Variants in C19orf47 observed in about 807,000 individuals in gnomAD.
C19orf47 encodes uncharacterized protein C19orf47.
In C19orf47, 18 loss-of-function variants were observed where a neutral mutation model predicts 32.3. The ratio of observed to expected loss-of-function variants is 0.56; its 90% CI spans 0.39 to 0.83. The LOEUF (loss-of-function observed/expected upper bound fraction) is 0.83, where lower values mean the gene tolerates loss of function less well. Ranked by LOEUF, C19orf47 falls within the 40% of genes least tolerant of loss-of-function variation. The pLI is 0.00. For missense variants in C19orf47, 484 were observed against 531.6 expected (o/e 0.91, Z 0.88); for synonymous variants, 202 against 211.1 (o/e 0.96, Z 0.37).
rs942592067 is a variant in C19orf47 at position 40,340,887 on chromosome 19, A to G, written c.19+952T>C. On this transcript the variant is annotated intron_variant, in intron 2 of 8. Transcript: ENST00000683109. ...CCAGCTACTCGGAGGCTGAGATGGG[A>G]GGATCACCTGAGCCTGGGAGGCAGA... is the stretch of plus-strand genomic sequence containing the variant. 2.7e-5 allele frequency among the ~76,000 whole-genome samples: 4 copies of G among 148,656 alleles called. No individual in the cohort carries two copies. In the East Asian group the frequency reaches 8.0e-4, roughly 30 times the overall value.
chr19:40,341,794 G>A, intron 2 of C19orf47, 45 bp downstream of exon 2: 1 of 1,535,754 alleles, frequency 6.5e-7, no homozygotes, highest in South Asian at 1.2e-5. Context: ...ACCTCAAAAA[G>A]GGCAGTGGGG....
At position 40,324,063 on chromosome 19, in the gene C19orf47, C is replaced by A. The variant is rs750663694; in HGVS notation, c.606G>T (p.Thr202=). 2.5e-6 allele frequency: 4 copies of A among 1,614,224 alleles called. No individual in the cohort carries two copies. The South Asian group carries it at 3.3e-5, about 13-fold the overall frequency. ...CGGCGCCGAGGCGGTCAAACACAGA[C>A]GTCCTATGGAGACCTGGGAGGGAAG... The part of the protein sequence containing the change: ...QQQAAKGLHR[T]SVFDRLGAET... Residue 202 remains threonine (T), a synonymous_variant, in exon 8 of 9, where the codon ACG becomes ACT. Transcript: ENST00000683109.
intron 1 of C19orf47, among the ~76,000 whole-genome samples, chr19:40,347,974 T>G (rs548971532): frequency 6.6e-6 from 1 of 152,232 alleles, no homozygotes; most frequent in South Asian, 2.1e-4. Flanking sequence ...TGCCGCACAG[T>G]GGAGCGGGAC....
intron 7 of C19orf47, 40 bp from the exon 8 acceptor site, chr19:40,324,116 G>A (rs772190895): frequency 4.6e-5 from 74 of 1,606,540 alleles, no homozygotes; most frequent in Non-Finnish European, 5.7e-5. Context: ...GGCCCCGGTG[G>A]GCCAGGCCTA....
At chr19:40,329,748 G>A (rs1288323021) in intron 5 of C19orf47, among the ~76,000 whole-genome samples, 1 of 152,122 alleles carries the variant, frequency 6.6e-6, no homozygotes, top group Non-Finnish European at 1.5e-5. Context: ...TTTTCAGGTT[G>A]GATGGGTGGC....
chr19:40,324,790 T>G (rs2077793875), intron 7 of C19orf47: 1 of 152,190 alleles, frequency 6.6e-6, no homozygotes, highest in South Asian at 2.1e-4. Context: ...GCAGATCGCA[T>G]GAGCCTAAGA....
Position 40,341,933 on chromosome 19 carries a change from TGTGA to T in C19orf47, c.-33-47_-33-44del, listed in dbSNP as rs542145625. 1,893 of 1,536,022 alleles carry T rather than the reference TGTGA, an allele frequency of 1.2e-3. 10 individuals are homozygous for T. In the Middle Eastern group the frequency reaches 0.022, roughly 18 times the overall value. On this transcript the variant is annotated intron_variant, in intron 1 of 8. Coordinates refer to ENST00000683109, the MANE Select transcript of C19orf47 (RefSeq NM_001256441.2). Reference sequence around the variant, plus strand: ...AGAGAGCCCATGAGCTGCTGCCGGCTGTGAGTGTTTGTCCCTCTCCTGTGCCTGT... The same window carrying T: ...AGAGAGCCCATGAGCTGCTGCCGGCTGTGTTTGTCCCTCTCCTGTGCCTGT...
At chr19:40,334,932 T>C (rs1381483691) in intron 4 of C19orf47, 1 of 101,976 alleles carries the variant, frequency 9.8e-6, no homozygotes, top group Non-Finnish European at 1.9e-5. Context: ...AATAAACAAG[T>C]GAAGAAAGGA....
chr19:40,339,556 T>C (rs534925736), intron 2 of C19orf47, among the ~76,000 whole-genome samples: 1 of 152,272 alleles, frequency 6.6e-6, no homozygotes, highest in African/African-American at 2.4e-5. Flanking sequence ...AGATGACCCT[T>C]AGACATTATG....
the C19orf47 span, among the ~76,000 whole-genome samples, chr19:40,306,023 C>T: frequency 4.0e-5 from 6 of 151,794 alleles, no homozygotes; most frequent in Admixed American, 2.0e-4. Flanking sequence ...TGGTGGTGGG[C>T]GCCTGTAATC....
the C19orf47 span, among the ~76,000 whole-genome samples, chr19:40,303,686 C>G: frequency 1.3e-5 from 2 of 151,608 alleles, no homozygotes; most frequent in African/African-American, 4.9e-5. Context: ...CGCCTGTAGT[C>G]CCAGCTACTC....
rs985184081 is a variant in C19orf47, at chr19:40,321,919, A to G, written c.1121T>C (p.Val374Ala). The G allele has an allele frequency of 1.9e-6, 3 of 1,612,166 alleles. No individual in the cohort carries two copies. Among genetic ancestry groups the G allele is most frequent in the Admixed American group, 3.3e-5 (2 of 59,884 alleles). Residue 374 changes from valine to alanine, a missense_variant, in exon 9 of 9, where the codon GTG becomes GCG. Transcript: ENST00000683109. ...LGAQMDHAGT[V>A]SVFKRLGRRT... is the part of the protein sequence containing the mutation. The stretch of plus-strand genomic sequence containing the variant: ...GCGGCCCAGTCTTTTGAACACGCTC[A>G]CAGTGCCCGCGTGGTCCATCTGGGC...
chr19:40,343,827 GCT>G (rs1308376997), intron 1 of C19orf47: 1 of 133,508 alleles, frequency 7.5e-6, no homozygotes, highest in African/African-American at 2.8e-5. Context: ...ACAAAGTCTT[GCT>G]CTGTCGCCCA....
chr19:40,335,930 A>G (rs1387759507), intron 4 of C19orf47, among the ~76,000 whole-genome samples, 180 bp downstream of exon 4: 1 of 152,176 alleles, frequency 6.6e-6, no homozygotes, highest in Non-Finnish European at 1.5e-5. Context: ...TCTTTCACAG[A>G]TGCAGAAAAT....
chr19:40,327,282 G>C (rs2077852450), intron 6 of C19orf47, among the ~76,000 whole-genome samples: 1 of 151,170 alleles, frequency 6.6e-6, no homozygotes, highest in South Asian at 2.1e-4. Flanking sequence ...CCAAAGTTCT[G>C]GGATTACAGG....
chr19:40,304,811 C>T, the C19orf47 span, among the ~76,000 whole-genome samples: 1 of 151,956 alleles, frequency 6.6e-6, no homozygotes, highest in Non-Finnish European at 1.5e-5. Context: ...TTTTTTGCTC[C>T]CCTACACCAG....
chr19:40,295,875 T>G, the C19orf47 span, among the ~76,000 whole-genome samples: 1 of 151,996 alleles, frequency 6.6e-6, no homozygotes, highest in Non-Finnish European at 1.5e-5. Context: ...ACCTCCCGAG[T>G]AGGTGGGACT....
chr19:40,326,896 T>G (rs1248404864), intron 6 of C19orf47, among the ~76,000 whole-genome samples: 1 of 152,144 alleles, frequency 6.6e-6, no homozygotes, highest in Admixed American at 6.5e-5. Flanking sequence ...GGATTGTGCA[T>G]AAGTTACACC....
downstream of C19orf47, among the ~76,000 whole-genome samples, chr19:40,316,522 G>A (rs114000632): frequency 0.013 from 1,973 of 152,276 alleles, 43 homozygotes; most frequent in African/African-American, 0.045. Context: ...TTAGCCAAGC[G>A]TTGATTTAGT....
Sources: gnomAD v4.1 joint callset for allele counts (sites outside exome capture counted in the v4.1 genomes callset) on GRCh38, gnomAD v4.1.1 for gene constraint, MANE v1.5 for transcripts, NCBI Gene and HGNC (gene_info 2026-07-23, HGNC 2026-07-21) for gene names.